The following PDE7A variants were observed in gnomAD, a reference collection of about 807,000 sequenced individuals.
PDE7A encodes the protein phosphodiesterase 7A, also known as high affinity 3',5'-cyclic-AMP phosphodiesterase 7A.
Under a neutral mutation model 64.3 loss-of-function variants are expected in PDE7A, and 39 were observed. The ratio of observed to expected loss-of-function variants is 0.61; its 90% CI spans 0.47 to 0.79. The LOEUF (loss-of-function observed/expected upper bound fraction) is 0.79. PDE7A is among the 30% of genes least tolerant of loss of function. PDE7A has a pLI of 0.00. For missense variants in PDE7A, 470 were observed against 582.8 expected (o/e 0.81, Z 1.99); for synonymous variants, 203 against 206.8 (o/e 0.98, Z 0.16).
chr8:65,728,950 CAA>C (rs1238849886), intron 7 of PDE7A, among the ~76,000 whole-genome samples: 1 of 151,986 alleles, frequency 6.6e-6, no homozygotes, highest in African/African-American at 2.4e-5. Context: ...ACTTTAAAAA[CAA>C]ATCACACATG....
chr8:65,715,429 G>A lies in PDE7A; in HGVS notation c.*3861C>T, dbSNP rs1440084008. Among the ~76,000 whole-genome samples the A allele has an allele frequency of 6.6e-6, 1 of 150,664 alleles. No homozygotes were observed. Among genetic ancestry groups the A allele is most frequent in the African/African-American group, 2.4e-5 (1 of 40,978 alleles). ...GTCTTGCTCTGTCACCTAGGCTGGA[G>A]TGCAGTAGCACAATCTCTGCTCCTT... On this transcript the variant is annotated 3_prime_UTR_variant, in exon 13 of 13. Coordinates refer to ENST00000401827, the MANE Select transcript of PDE7A (RefSeq NM_001242318.3).
At chr8:65,757,924 A>G (rs895181498) in intron 3 of PDE7A, among the ~76,000 whole-genome samples, 2 of 152,148 alleles carry the variant, frequency 1.3e-5, no homozygotes, top group Non-Finnish European at 2.9e-5. Flanking sequence ...GCCAACTCCA[A>G]GACTTTTAAT....
At chr8:65,836,521 T>TA (rs1421762211) in intron 1 of PDE7A, among the ~76,000 whole-genome samples, 1 of 152,240 alleles carries the variant, frequency 6.6e-6, no homozygotes, top group African/African-American at 2.4e-5. Flanking sequence ...AAGATGTTCT[T>TA]ACCTTTTGAC....
intron 3 of PDE7A, among the ~76,000 whole-genome samples, chr8:65,762,715 A>ATT (rs201855355): frequency 5.3e-5 from 8 of 150,928 alleles, no homozygotes; most frequent in African/African-American, 1.9e-4. Flanking sequence ...ATGTCATACC[A>ATT]TTTTTTTTAA....
At chr8:65,773,922 A>G (rs2128921827) in intron 3 of PDE7A, among the ~76,000 whole-genome samples, 1 of 152,308 alleles carries the variant, frequency 6.6e-6, no homozygotes, top group East Asian at 1.9e-4. Flanking sequence ...TCCAAATACA[A>G]TTGTACATTT....
chr8:65,821,209 AT>A (rs137869565), intron 1 of PDE7A, among the ~76,000 whole-genome samples: 12,214 of 151,954 alleles, frequency 0.08, 551 homozygotes, highest in Middle Eastern at 0.11. Context: ...TCATATTTGT[AT>A]TTTTTTTAAG....
chr8:65,789,798 A>T (rs181138799), intron 1 of PDE7A, among the ~76,000 whole-genome samples: 1 of 152,324 alleles, frequency 6.6e-6, no homozygotes. Context: ...TTCAGCAAAT[A>T]TTTATTAAGC....
At chr8:65,744,405 C>A (rs1315666496) in intron 5 of PDE7A, among the ~76,000 whole-genome samples, 1 of 152,090 alleles carries the variant, frequency 6.6e-6, no homozygotes. Context: ...ATAATTATGC[C>A]CACAATTTTA....
intron 3 of PDE7A, among the ~76,000 whole-genome samples, chr8:65,768,921 AT>A (rs1808935019): frequency 6.6e-6 from 1 of 152,122 alleles, no homozygotes; most frequent in South Asian, 2.1e-4. Flanking sequence ...ATCTGAGGAA[AT>A]TTTTTTATTC....
intron 3 of PDE7A, among the ~76,000 whole-genome samples, chr8:65,767,170 T>C (rs1044483410): frequency 6.6e-6 from 1 of 152,230 alleles, no homozygotes; most frequent in South Asian, 2.1e-4. Flanking sequence ...CAGGATTGCA[T>C]GCACAGCTTT....
intron 1 of PDE7A, among the ~76,000 whole-genome samples, chr8:65,820,899 G>T (rs1810526175): frequency 1.3e-5 from 2 of 152,168 alleles, no homozygotes; most frequent in African/African-American, 4.8e-5. Context: ...TGAAATTGTT[G>T]ATTTAAACAA....
At position 65,841,725 on chromosome 8, in the gene PDE7A, T is replaced by G; in HGVS notation, c.-217A>C. On this transcript the variant is annotated 5_prime_UTR_variant, in exon 1 of 13. Coordinates refer to ENST00000401827, the MANE Select transcript of PDE7A (RefSeq NM_001242318.3). The stretch of plus-strand genomic sequence containing the variant: ...GCTCCGCGGCGGCCGCGGCGCCAAT[T>G]ACCAGGACCGGCGCGCGCCTCGCTC... 6.6e-6 allele frequency: 1 copy of G among 151,632 alleles called. No homozygotes were observed. Among genetic ancestry groups the G allele is most frequent in the Non-Finnish European group, 1.4e-5 (1 of 69,094 alleles). The allele number at this position is 151,632 out of a possible 1,614,324, so 9.4% of individuals were successfully genotyped here.
intron 3 of PDE7A, among the ~76,000 whole-genome samples, chr8:65,761,142 C>T (rs1347290822): frequency 1.3e-5 from 2 of 152,028 alleles, no homozygotes; most frequent in Non-Finnish European, 2.9e-5. Flanking sequence ...TCACTGCAAC[C>T]TCCGCCTCCC....
intron 5 of PDE7A, among the ~76,000 whole-genome samples, chr8:65,740,443 T>C (rs554041220): frequency 6.6e-6 from 1 of 152,226 alleles, no homozygotes; most frequent in Non-Finnish European, 1.5e-5. Flanking sequence ...CACTGTCACC[T>C]GGGCTGGAGT....
chr8:65,734,992 T>C (rs1032271135), intron 6 of PDE7A, 98 bp from the exon 7 acceptor site: 2 of 772,418 alleles, frequency 2.6e-6, no homozygotes, highest in Non-Finnish European at 2.3e-6. Flanking sequence ...ATACTTTTCA[T>C]GTAGCTATCG....
In PDE7A at chr8:65,750,436, T is replaced by C. The variant is rs377076294; in HGVS notation, c.284-2633A>G. Reference sequence around the variant, plus strand: ...AATTAGGATTGCTGTGTGTGTGTATTAGGATCACACTGTATGTATATATGT... The same window carrying C: ...AATTAGGATTGCTGTGTGTGTGTATCAGGATCACACTGTATGTATATATGT... On this transcript the variant is annotated intron_variant, in intron 3 of 12. Coordinates refer to ENST00000401827, the MANE Select transcript of PDE7A (RefSeq NM_001242318.3). Among the ~76,000 whole-genome samples the C allele has an allele frequency of 3.8e-4, 58 of 151,298 alleles. No homozygotes were observed. The South Asian group carries it at 0.012, about 31-fold the overall frequency.
At chr8:65,739,625 A>T (rs2128901038) in intron 5 of PDE7A, 28 bp from the exon 6 acceptor site, 1 of 1,475,464 alleles carries the variant, frequency 6.8e-7, no homozygotes, top group Non-Finnish European at 9.0e-7. Context: ...ACATTACATT[A>T]GTAGGAAATA....
intron 5 of PDE7A, among the ~76,000 whole-genome samples, chr8:65,740,382 T>C (rs538976767): frequency 8.5e-5 from 13 of 152,112 alleles, no homozygotes; most frequent in African/African-American, 3.1e-4. Flanking sequence ...GTCACAGAAA[T>C]AATACAAGCC....
chr8:65,782,719 A>G, intron 2 of PDE7A, 64 bp downstream of exon 2: 1 of 865,386 alleles, frequency 1.2e-6, no homozygotes. Flanking sequence ...AGATACCTCA[A>G]ACTCAAATAA....
Sources: allele counts gnomAD v4.1 joint callset (sites outside exome capture counted in the v4.1 genomes callset), GRCh38; gene constraint gnomAD v4.1.1; transcripts MANE v1.5; gene names NCBI Gene and HGNC (gene_info 2026-07-23, HGNC 2026-07-21).